The following NLGN1 variants were observed in gnomAD, a reference collection of about 807,000 sequenced individuals.
NLGN1 encodes neuroligin-1.
Under a neutral mutation model 65.5 loss-of-function variants are expected in NLGN1, and 12 were observed. The ratio of observed to expected loss-of-function variants is 0.18; its 90% CI spans 0.12 to 0.30. The LOEUF is 0.30. Ranked by LOEUF, NLGN1 falls within the 10% of genes least tolerant of loss-of-function variation. The pLI, the probability that NLGN1 is intolerant of heterozygous loss-of-function variation, is 1.00. For missense variants in NLGN1, 750 were observed against 1,007.1 expected, an observed-to-expected ratio of 0.74 and a Z score of 3.46; for synonymous variants, 350 against 359.5, an observed-to-expected ratio of 0.97 and a Z score of 0.30.
At chr3:173,410,719 C>T (rs1008956106) in intron 1 of NLGN1, among the ~76,000 whole-genome samples, 2 of 152,178 alleles carry the variant, frequency 1.3e-5, no homozygotes, top group Non-Finnish European at 1.5e-5. Flanking sequence ...ATTTTCTATA[C>T]ATGTTTAAAT....
At chr3:173,708,686 T>C (rs568162227) in intron 3 of NLGN1, among the ~76,000 whole-genome samples, 55 of 152,230 alleles carry the variant, frequency 3.6e-4, no homozygotes, top group African/African-American at 9.6e-4. Context: ...AAATACAGGA[T>C]GGCAGAGAGC....
chr3:173,901,924 G>C (rs890162711), intron 4 of NLGN1, among the ~76,000 whole-genome samples: 5 of 152,062 alleles, frequency 3.3e-5, no homozygotes, highest in Non-Finnish European at 7.4e-5. Flanking sequence ...CATTTTGCTT[G>C]TCTAAAATAC....
intron 4 of NLGN1, among the ~76,000 whole-genome samples, chr3:173,913,744 C>T (rs1343134795): frequency 1.3e-5 from 2 of 152,196 alleles, no homozygotes; most frequent in Admixed American, 1.3e-4. Context: ...CTTTATTACA[C>T]TCTTCTTACC....
chr3:174,226,025 T>C (rs778716803), intron 4 of NLGN1, among the ~76,000 whole-genome samples: 1 of 152,130 alleles, frequency 6.6e-6, no homozygotes, highest in African/African-American at 2.4e-5. Context: ...TTTTCTCTTT[T>C]GTACTGAAGG....
chr3:174,049,865 G>A (rs1006498976), intron 4 of NLGN1, among the ~76,000 whole-genome samples: 8 of 152,042 alleles, frequency 5.3e-5, no homozygotes, highest in African/African-American at 1.7e-4. Context: ...ATGTTTTAAT[G>A]TGGAGAGCTA....
chr3:174,075,614 A>G (rs1428819641), intron 4 of NLGN1, among the ~76,000 whole-genome samples: 1 of 152,160 alleles, frequency 6.6e-6, no homozygotes, highest in Non-Finnish European at 1.5e-5. Context: ...CTGCAAATTT[A>G]TATGACTCTT....
chr3:173,533,943 C>G (rs1313597735), intron 2 of NLGN1, among the ~76,000 whole-genome samples: 2 of 152,110 alleles, frequency 1.3e-5, no homozygotes, highest in East Asian at 3.9e-4. Context: ...GATCGTGCCA[C>G]TGCACTCCAG....
At chr3:174,229,714 G>A (rs755615999) in intron 4 of NLGN1, among the ~76,000 whole-genome samples, 22 of 152,100 alleles carry the variant, frequency 1.4e-4, no homozygotes, top group African/African-American at 1.2e-4. Flanking sequence ...GTTTTAATTC[G>A]GAATAAAGCA....
chr3:173,700,677 T>C (rs536802210), intron 3 of NLGN1, among the ~76,000 whole-genome samples: 152 of 152,352 alleles, frequency 1.0e-3, no homozygotes, highest in African/African-American at 3.6e-3. Flanking sequence ...TTGAATCTAA[T>C]TTCTGTCATA....
intron 2 of NLGN1, among the ~76,000 whole-genome samples, chr3:173,467,589 T>C (rs990069605): frequency 3.3e-5 from 5 of 152,134 alleles, no homozygotes; most frequent in Admixed American, 2.0e-4. Flanking sequence ...CATTGCCATC[T>C]TTATCATTGT....
At chr3:174,122,862 A>G (rs1351674411) in intron 4 of NLGN1, among the ~76,000 whole-genome samples, 5 of 152,084 alleles carry the variant, frequency 3.3e-5, no homozygotes, top group Non-Finnish European at 7.4e-5. Flanking sequence ...TCAGACATGT[A>G]CAAAGTCAAT....
chr3:173,701,460 T>C (rs1767152526), intron 3 of NLGN1, among the ~76,000 whole-genome samples: 2 of 152,060 alleles, frequency 1.3e-5, no homozygotes, highest in Non-Finnish European at 2.9e-5. Context: ...ATGCCACAAA[T>C]GATAAGAAAC....
At chr3:173,913,699 A>T (rs1175436801) in intron 4 of NLGN1, among the ~76,000 whole-genome samples, 1 of 152,212 alleles carries the variant, frequency 6.6e-6, no homozygotes, top group Non-Finnish European at 1.5e-5. Flanking sequence ...GTCGAGCAGA[A>T]GAACTCAGGA....
chr3:174,030,619 T>A (rs1729811647), intron 4 of NLGN1, among the ~76,000 whole-genome samples: 2 of 152,176 alleles, frequency 1.3e-5, no homozygotes, highest in Non-Finnish European at 2.9e-5. Flanking sequence ...ACTTATATGT[T>A]TACCTGTTCT....
Position 174,173,745 on chromosome 3 carries a change from A to G in NLGN1, c.647-101570A>G, listed in dbSNP as rs189597159. Among the ~76,000 whole-genome samples the G allele has an allele frequency of 1.5e-3, 215 of 147,044 alleles. 1 individual carries two copies. Among genetic ancestry groups the G allele is most frequent in the African/African-American group, 5.1e-3 (188 of 37,094 alleles). ...GTGTGTGTGTGTTTCTCAGTTCTTT[A>G]ATTTAATCAGCAAAATTAATTAGCA... On this transcript the variant is annotated intron_variant, in intron 4 of 6. Coordinates refer to ENST00000457714, the Ensembl canonical transcript of NLGN1.
intron 3 of NLGN1, among the ~76,000 whole-genome samples, chr3:173,733,541 A>G (rs1458582564): frequency 6.6e-6 from 1 of 152,094 alleles, no homozygotes; most frequent in Non-Finnish European, 1.5e-5. Context: ...AGTGGAAGAT[A>G]CTGTTCCAGG....
chr3:173,527,966 G>A (rs569451228), intron 2 of NLGN1, among the ~76,000 whole-genome samples: 1 of 152,254 alleles, frequency 6.6e-6, no homozygotes, highest in African/African-American at 2.4e-5. Flanking sequence ...GGTTAATATT[G>A]ATATGCAAGG....
intron 2 of NLGN1, among the ~76,000 whole-genome samples, chr3:173,507,371 G>A (rs982213390): frequency 1.1e-4 from 16 of 151,958 alleles, no homozygotes; most frequent in Non-Finnish European, 1.0e-4. Flanking sequence ...AAAAATGATA[G>A]CACAATTAGC....
intron 4 of NLGN1, among the ~76,000 whole-genome samples, chr3:174,173,044 G>A (rs1035666098): frequency 2.0e-5 from 3 of 147,486 alleles, no homozygotes; most frequent in African/African-American, 8.0e-5. Flanking sequence ...ACTTTTGGGG[G>A]TAATTCCTGT....
Sources: gnomAD v4.1 joint callset for allele counts (sites outside exome capture counted in the v4.1 genomes callset) on GRCh38, gnomAD v4.1.1 for gene constraint, MANE v1.5 for transcripts, NCBI Gene and HGNC (gene_info 2026-07-23, HGNC 2026-07-21) for gene names.